EPRS1: variants seen among roughly 807,000 people sequenced by gnomAD.
EPRS1 encodes the protein bifunctional glutamate/proline--tRNA ligase.
In EPRS1, 107 loss-of-function variants were observed where a neutral mutation model predicts 188.3. The observed-to-expected ratio is 0.57, with a 90% CI of 0.49 to 0.67. The LOEUF (loss-of-function observed/expected upper bound fraction) is 0.67. Among genes scored for constraint, EPRS1 ranks in the 30% least tolerant of loss-of-function variants. EPRS1 has a pLI of 0.00. For synonymous variants in EPRS1, 596 were observed against 593.1 expected, an observed-to-expected ratio of 1.00 and a Z score of -0.07; for missense variants, 1,577 against 1,802.2, an observed-to-expected ratio of 0.88 and a Z score of 2.26.
intron 16 of EPRS1, among the ~76,000 whole-genome samples, chr1:220,004,692 A>T (rs1661424595): frequency 6.6e-6 from 1 of 152,230 alleles, no homozygotes; most frequent in Non-Finnish European, 1.5e-5. Context: ...TAGATTCACA[A>T]GACTAAATCT....
intron 18 of EPRS1, among the ~76,000 whole-genome samples, chr1:219,995,927 C>T (rs1048830286): frequency 6.6e-6 from 1 of 152,166 alleles, no homozygotes; most frequent in African/African-American, 2.4e-5. Flanking sequence ...ATCCCCTTCC[C>T]GCCACACAAG....
chr1:219,991,328 T>C (rs1470837960), intron 18 of EPRS1, among the ~76,000 whole-genome samples: 1 of 152,084 alleles, frequency 6.6e-6, no homozygotes, highest in African/African-American at 2.4e-5. Context: ...AAAACTTTTT[T>C]CAAAAAATAC....
chr1:219,996,157 C>T (rs1448433908), intron 18 of EPRS1, among the ~76,000 whole-genome samples: 3 of 152,206 alleles, frequency 2.0e-5, no homozygotes, highest in African/African-American at 7.2e-5. Context: ...CTCTTACCTA[C>T]ATCAAGTAAG....
At chr1:220,021,440 C>T (rs1410333286) in intron 9 of EPRS1, among the ~76,000 whole-genome samples, 1 of 152,030 alleles carries the variant, frequency 6.6e-6, no homozygotes, top group Non-Finnish European at 1.5e-5. Context: ...CTCAAGAGAG[C>T]TTCCTGCCTC....
chr1:219,980,016 A>C, intron 26 of EPRS1, 69 bp downstream of exon 26: 3 of 1,319,776 alleles, frequency 2.3e-6, no homozygotes, highest in Non-Finnish European at 3.1e-6. Flanking sequence ...TGATGACAGA[A>C]GAAATTATTG....
chr1:220,031,356 T>C (rs552697789), intron 5 of EPRS1, among the ~76,000 whole-genome samples: 24 of 152,092 alleles, frequency 1.6e-4, no homozygotes, highest in African/African-American at 5.6e-4. Flanking sequence ...TACCCTGAAC[T>C]AGAGAAAGAT....
At chr1:219,970,511 G>A (rs191321054) in intron 30 of EPRS1, among the ~76,000 whole-genome samples, 1 of 152,240 alleles carries the variant, frequency 6.6e-6, no homozygotes, top group Non-Finnish European at 1.5e-5. Context: ...AGGTGCAGTG[G>A]CTCACGCCTG....
In EPRS1 at chr1:220,046,482, G is replaced by T. The variant is rs1662406412; in HGVS notation, c.-94C>A. The T allele has an allele frequency of 6.5e-7, 1 of 1,541,878 alleles. No individual in the cohort carries two copies. Among genetic ancestry groups the T allele is most frequent in the Non-Finnish European group, 8.7e-7 (1 of 1,144,336 alleles). On this transcript the variant is annotated 5_prime_UTR_variant, in exon 1 of 32. Transcript: ENST00000366923. ...AAGGAAGAAGATGCAACGTGTGCGCGTACCCGACGCCGCCGCAGCCTTCGC... is the reference window on the plus strand; with the variant it reads ...AAGGAAGAAGATGCAACGTGTGCGCTTACCCGACGCCGCCGCAGCCTTCGC...
intron 1 of EPRS1, 127 bp downstream of exon 1, chr1:220,046,215 GC>G: frequency 1.8e-6 from 2 of 1,112,370 alleles, no homozygotes; most frequent in Non-Finnish European, 2.6e-6. Flanking sequence ...CAATTCTGGG[GC>G]GAGGGGCAGG....
chr1:220,037,311 C>A (rs1662201050), intron 2 of EPRS1, among the ~76,000 whole-genome samples: 1 of 151,902 alleles, frequency 6.6e-6, no homozygotes, highest in Non-Finnish European at 1.5e-5. Flanking sequence ...TCCAGACCAG[C>A]CTGGACAACA....
chr1:220,031,006 C>T lies in EPRS1; in HGVS notation c.529-526G>A, dbSNP rs556196959. Among the ~76,000 whole-genome samples the T allele has an allele frequency of 9.2e-5, 14 of 151,576 alleles. No individual in the cohort carries two copies. In the South Asian group the frequency reaches 2.9e-3, roughly 32 times the overall value. On this transcript the variant is annotated intron_variant, in intron 5 of 31. Transcript: ENST00000366923. ...ACTCAGGAAGCTGAGGCAGGAGAAT[C>T]GCTTGAACCTGGGAGACGGAGGCTG...
intron 17 of EPRS1, among the ~76,000 whole-genome samples, chr1:219,998,805 T>A (rs1251636263): frequency 6.6e-6 from 1 of 151,760 alleles, no homozygotes; most frequent in African/African-American, 2.4e-5. Context: ...CCTCCCAAAG[T>A]GCTGGGATTA....
At chr1:220,018,085 T>A (rs1480235284) in intron 12 of EPRS1, 2 of 1,224,730 alleles carry the variant, frequency 1.6e-6, no homozygotes, top group South Asian at 2.5e-5. Context: ...TGTAATATGC[T>A]AAAAGCTATG....
rs377021548 is a variant in EPRS1 at position 220,032,340 on chromosome 1, C to A, written c.528+47G>T. 1.5e-5 allele frequency: 22 copies of A among 1,517,100 alleles called. No individual in the cohort carries two copies. In the African/African-American group the frequency reaches 2.6e-4, roughly 18 times the overall value. 94.0% of individuals were successfully genotyped at this position (1,517,100 alleles called of 1,614,324 possible). On this transcript the variant is annotated intron_variant, in intron 5 of 31. Transcript: ENST00000366923. ...TGACCTTGTGATCCGCCCGCCTCAGCCTCCCAAAGTGTTTTTTTTTTTAAA... is the reference window on the plus strand; with the variant it reads ...TGACCTTGTGATCCGCCCGCCTCAGACTCCCAAAGTGTTTTTTTTTTTAAA...
intron 6 of EPRS1, among the ~76,000 whole-genome samples, chr1:220,029,757 A>G (rs1662052085): frequency 6.6e-6 from 1 of 152,238 alleles, no homozygotes; most frequent in Non-Finnish European, 1.5e-5. Flanking sequence ...AAATAGGATG[A>G]CAGGTGTGCA....
chr1:219,978,103 G>C (rs187406313), intron 28 of EPRS1, among the ~76,000 whole-genome samples: 1 of 152,178 alleles, frequency 6.6e-6, no homozygotes, highest in East Asian at 1.9e-4. Flanking sequence ...CAACAAACTG[G>C]TATGAAACAA....
At chr1:219,984,332 A>G in intron 20 of EPRS1, 75 bp from the exon 21 acceptor site, 1 of 1,016,236 alleles carries the variant, frequency 9.8e-7, no homozygotes, top group Non-Finnish European at 1.6e-6. Context: ...TAAACCTCTA[A>G]AGTTCAAAAT....
chr1:219,968,756 C>G lies in EPRS1; in HGVS notation c.*50G>C. On this transcript the variant is annotated 3_prime_UTR_variant, in exon 32 of 32. Transcript: ENST00000366923. ...TCTGTATCTGAGAAGATACTAATAT[C>G]AATGCTTTAAAAAGTGAGAGGAGTT... 6.4e-7 allele frequency: 1 copy of G among 1,572,422 alleles called. No homozygotes were observed. The highest frequency in any genetic ancestry group is 8.7e-7 in the Non-Finnish European group (1 of 1,143,116).
intron 10 of EPRS1, 138 bp from the exon 11 acceptor site, chr1:220,019,217 T>C (rs1336913798): frequency 1.6e-6 from 1 of 620,892 alleles, no homozygotes; most frequent in Non-Finnish European, 2.8e-6. Flanking sequence ...AATTAGGTAG[T>C]ATGCAATACT....
Sources: gnomAD v4.1 joint callset for allele counts (sites outside exome capture counted in the v4.1 genomes callset) on GRCh38, gnomAD v4.1.1 for gene constraint, MANE v1.5 for transcripts, NCBI Gene and HGNC (gene_info 2026-07-23, HGNC 2026-07-21) for gene names.